Variants in FASTKD2 observed in about 807,000 individuals in gnomAD.
FASTKD2 encodes the protein FAST kinase domain-containing protein 2, mitochondrial.
FASTKD2 carries 51 observed loss-of-function variants against 63.6 expected under a neutral mutation model. The ratio of observed to expected loss-of-function variants is 0.80; its 90% CI spans 0.64 to 1.01. The LOEUF is 1.01. Among genes scored for constraint, FASTKD2 ranks in the 50% least tolerant of loss-of-function variants. FASTKD2 has a pLI of 0.00. For synonymous variants in FASTKD2, 284 were observed against 293.4 expected, an observed-to-expected ratio of 0.97 and a Z score of 0.33; for missense variants, 786 against 831.1, an observed-to-expected ratio of 0.95 and a Z score of 0.67.
intron 7 of FASTKD2, among the ~76,000 whole-genome samples, chr2:206,777,863 A>G (rs1559362604): frequency 6.6e-6 from 1 of 151,898 alleles, no homozygotes; most frequent in African/African-American, 2.4e-5. Context: ...CTATTTCTTT[A>G]TGATTCAGTC....
At chr2:206,781,304 A>ATT (rs71034473) in intron 7 of FASTKD2, among the ~76,000 whole-genome samples, 2,319 of 75,880 alleles carry the variant, frequency 0.031, 302 homozygotes, top group South Asian at 0.046. Flanking sequence ...TTTTTCTATG[A>ATT]TTTTTTTTTT....
In FASTKD2 at chr2:206,788,033, AG is replaced by A. The variant is rs1203310872; in HGVS notation, c.1692del (p.Gln564HisfsTer19). ...YLRDIALSLP[Q>X]LPRELPSSHT... The stretch of plus-strand genomic sequence containing the variant: ...AGGGACATAGCCTTGTCACTCCCAC[AG>A]CTGCCGCGGGAGCTGCCATCGTCAC... On this transcript the variant is annotated frameshift_variant, in exon 9 of 12. Coordinates refer to ENST00000402774, the MANE Select transcript of FASTKD2 (RefSeq NM_001136193.2). LOFTEE classifies it high-confidence loss of function. The A allele has an allele frequency of 6.2e-7, 1 of 1,613,578 alleles. No homozygotes were observed. Among genetic ancestry groups the A allele is most frequent in the Non-Finnish European group, 8.5e-7 (1 of 1,179,580 alleles).
intron 9 of FASTKD2, 98 bp from the exon 10 acceptor site, chr2:206,788,721 G>C: frequency 1.6e-6 from 1 of 633,606 alleles, no homozygotes; most frequent in South Asian, 1.7e-5. Flanking sequence ...GACAGAGCGA[G>C]ACCACATCTC....
In FASTKD2 at chr2:206,766,681, T is replaced by G. The variant is rs749318348; in HGVS notation, c.-13T>G. On this transcript the variant is annotated 5_prime_UTR_variant, in exon 2 of 12. Coordinates refer to ENST00000402774, the MANE Select transcript of FASTKD2 (RefSeq NM_001136193.2). ...ACGTGTTCTTTTTCACTAGTAGAAGTGACGTTGGTTTCATGTTGACAACTT... is the reference window on the plus strand; with the variant it reads ...ACGTGTTCTTTTTCACTAGTAGAAGGGACGTTGGTTTCATGTTGACAACTT... The G allele has an allele frequency of 6.2e-7, 1 of 1,612,660 alleles. No homozygotes were observed.
chr2:206,770,649 G>C (rs904490176), intron 3 of FASTKD2, among the ~76,000 whole-genome samples: 1 of 149,306 alleles, frequency 6.7e-6, no homozygotes, highest in Non-Finnish European at 1.5e-5. Flanking sequence ...AGAATGGCGT[G>C]AACCCAGGAG....
At position 206,774,372 on chromosome 2, in the gene FASTKD2, C is replaced by A. The variant is rs779256965; in HGVS notation, c.1402C>A (p.His468Asn). The part of the protein sequence containing the change: ...SILHTYSSLN[H>N]VYKCQNKEQF... ...TCTTCATACTTACTCTTCTCTCAATCATGTCTACAAATGCCAGAACAAAGA... is the reference window on the plus strand; with the variant it reads ...TCTTCATACTTACTCTTCTCTCAATAATGTCTACAAATGCCAGAACAAAGA... Residue 468 changes from histidine to asparagine, a missense_variant, in exon 7 of 12, where the codon CAT becomes AAT. Coordinates refer to ENST00000402774, the MANE Select transcript of FASTKD2 (RefSeq NM_001136193.2). 2.5e-6 allele frequency: 4 copies of A among 1,601,634 alleles called. No individual in the cohort carries two copies. Among genetic ancestry groups the A allele is most frequent in the Non-Finnish European group, 3.4e-6 (4 of 1,170,554 alleles).
At position 206,771,242 on chromosome 2, in the gene FASTKD2, G is replaced by A; in HGVS notation, c.942G>A (p.Met314Ile). The A allele has an allele frequency of 6.2e-7, 1 of 1,612,496 alleles. No homozygotes were observed. Among genetic ancestry groups the A allele is most frequent in the Non-Finnish European group, 8.5e-7 (1 of 1,178,624 alleles). Residue 314 changes from methionine (M) to isoleucine (I), a missense_variant, in exon 4 of 12, where the codon ATG (methionine) becomes ATA (isoleucine). Coordinates refer to ENST00000402774, the MANE Select transcript of FASTKD2 (RefSeq NM_001136193.2). ...IEDVFTLQVV[M>I]KCIGKDAPIA... is the part of the protein sequence containing the mutation. Reference sequence around the variant, plus strand: ...ATGTCTTCACATTACAAGTTGTGATGAAGTGTATTGGAAAAGATGCACCGA... The same window carrying A: ...ATGTCTTCACATTACAAGTTGTGATAAAGTGTATTGGAAAAGATGCACCGA...
intron 6 of FASTKD2, among the ~76,000 whole-genome samples, chr2:206,772,935 G>GT (rs1689723562): frequency 6.6e-6 from 1 of 152,148 alleles, no homozygotes; most frequent in Non-Finnish European, 1.5e-5. Flanking sequence ...ATACCCCACC[G>GT]TAAGTCAAGG....
At chr2:206,790,767 T>A in intron 11 of FASTKD2, 81 bp downstream of exon 11, 1 of 851,752 alleles carries the variant, frequency 1.2e-6, no homozygotes. Flanking sequence ...TGGTTGAGAC[T>A]GGTTACTAGG....
intron 7 of FASTKD2, chr2:206,783,436 A>G (rs1002747208): frequency 3.3e-5 from 5 of 153,020 alleles, no homozygotes; most frequent in African/African-American, 1.2e-4. Flanking sequence ...TAGACATTTA[A>G]TAAAGGTCGA....
At chr2:206,776,688 T>G (rs945823132) in intron 7 of FASTKD2, among the ~76,000 whole-genome samples, 2 of 152,092 alleles carry the variant, frequency 1.3e-5, no homozygotes, top group Admixed American at 1.3e-4. Context: ...TACCATACTG[T>G]TTTAATTACT....
At chr2:206,776,791 G>A (rs1412368256) in intron 7 of FASTKD2, among the ~76,000 whole-genome samples, 1 of 151,704 alleles carries the variant, frequency 6.6e-6, no homozygotes, top group Admixed American at 6.6e-5. Context: ...TTCCTTTGTG[G>A]TCCTATATGA....
chr2:206,767,568 T>G, intron 2 of FASTKD2, 98 bp downstream of exon 2: 3 of 916,066 alleles, frequency 3.3e-6, no homozygotes. Context: ...AAAGAGACTA[T>G]CAAATGGAAT....
At position 206,785,753 on chromosome 2, in the gene FASTKD2, C is replaced by T. The variant is rs142714295; in HGVS notation, c.1428-980C>T. On this transcript the variant is annotated intron_variant, in intron 7 of 11. Transcript: ENST00000402774. ...CCTCCCATTTCATCATAATTCCTAT[C>T]GTTTTCCTGGCCTTATCACAGCCCT... 9.0e-4 allele frequency among the ~76,000 whole-genome samples: 137 copies of T among 152,284 alleles called. 1 individual carries two copies. Among genetic ancestry groups the T allele is most frequent in the African/African-American group, 3.0e-3 (124 of 41,548 alleles).
At chr2:206,781,425 C>T (rs537617093) in intron 7 of FASTKD2, among the ~76,000 whole-genome samples, 1 of 145,872 alleles carries the variant, frequency 6.9e-6, no homozygotes, top group South Asian at 2.2e-4. Context: ...AAGCGATTCT[C>T]CTGTCTCAGC....
Position 206,772,192 on chromosome 2 carries a change from G to T in FASTKD2, c.1126G>T (p.Gly376Trp). 6.2e-7 allele frequency: 1 copy of T among 1,611,854 alleles called. No individual in the cohort carries two copies. Among genetic ancestry groups the T allele is most frequent in the Non-Finnish European group, 8.5e-7 (1 of 1,177,950 alleles). ...ACTCATTCTTCAAGATAATATCCAT[G>T]GGTGTCCTTTAAGAATAATGATCAA... ...CSKVVLDNIHGCPLRIMINIL... is the reference protein window; with the variant it reads ...CSKVVLDNIHWCPLRIMINIL... The change falls in exon 6 of 12, where the codon GGG becomes TGG. Residue 376 changes from glycine to tryptophan, a missense_variant. Transcript: ENST00000402774.
Position 206,767,051 on chromosome 2 carries a change from C to T in FASTKD2, c.358C>T (p.Leu120Phe). ...ACTGTTTTTTGACTCAAAGCAGTCT[C>T]TTGTCCCTGTTGATAAATCTGATGA... The part of the protein sequence containing the change: ...KRLFFDSKQS[L>F]VPVDKSDDEL... The change falls in exon 2 of 12, where the codon CTT (leucine) becomes TTT (phenylalanine). Residue 120 changes from leucine (L) to phenylalanine (F), a missense_variant. Transcript: ENST00000402774. The T allele has an allele frequency of 6.2e-7, 1 of 1,614,026 alleles. No individual in the cohort carries two copies. Among genetic ancestry groups the T allele is most frequent in the South Asian group, 1.1e-5 (1 of 91,072 alleles).
chr2:206,773,261 G>C (rs79827572), intron 6 of FASTKD2, among the ~76,000 whole-genome samples: 19,311 of 145,520 alleles, frequency 0.13, 1,573 homozygotes, highest in South Asian at 0.2. Flanking sequence ...GTTGCAGTAA[G>C]CTGAGATTGT....
At position 206,790,895 on chromosome 2, in the gene FASTKD2, CT is replaced by C. The variant is rs1690268242; in HGVS notation, c.2013+213del. 7.4e-6 allele frequency: 4 copies of C among 537,686 alleles called. No homozygotes were observed. The East Asian group carries it at 1.3e-4, about 18-fold the overall frequency. 33.3% of individuals were successfully genotyped at this position (537,686 alleles called of 1,614,324 possible). ...CAGCTGATTACTGTCATTACTAGAG[CT>C]TTTACAAATGTTGTTCTGGTCAGCT... On this transcript the variant is annotated intron_variant, in intron 11 of 11. Transcript: ENST00000402774.
Sources: gnomAD v4.1 joint callset for allele counts (sites outside exome capture counted in the v4.1 genomes callset) on GRCh38, gnomAD v4.1.1 for gene constraint, MANE v1.5 for transcripts, NCBI Gene and HGNC (gene_info 2026-07-23, HGNC 2026-07-21) for gene names.